Variants in TRPM6 observed in about 807,000 individuals in gnomAD.
TRPM6 encodes channel kinase 2.
In TRPM6, 111 loss-of-function variants were observed where a neutral mutation model predicts 247.6. The observed-to-expected ratio is 0.45, with a 90% CI of 0.38 to 0.52. The LOEUF is 0.52. Among genes scored for constraint, TRPM6 ranks in the 20% least tolerant of loss-of-function variants. TRPM6 has a pLI of 0.00. For synonymous variants in TRPM6, 892 were observed against 853.8 expected, an observed-to-expected ratio of 1.04 and a Z score of -0.78; for missense variants, 2,126 against 2,421.5, an observed-to-expected ratio of 0.88 and a Z score of 2.56.
At chr9:74,810,759 AACACAAAGCTAAGGCAAT>A (rs916646806) in intron 13 of TRPM6, 38 bp downstream of exon 13, 27 of 1,524,372 alleles carry the variant, frequency 1.8e-5, no homozygotes, top group Non-Finnish European at 2.4e-5. Flanking sequence ...TGACTCCTCC[AACACAAAGCTAAGGCAAT>A]ACACAAAGAC....
intron 1 of TRPM6, among the ~76,000 whole-genome samples, chr9:74,882,448 AG>A (rs1453875241): frequency 6.6e-6 from 1 of 152,246 alleles, no homozygotes; most frequent in Non-Finnish European, 1.5e-5. Context: ...GAGTGGGCAA[AG>A]GACATGAATC....
intron 4 of TRPM6, among the ~76,000 whole-genome samples, chr9:74,841,129 CA>C (rs1239304636): frequency 6.6e-6 from 1 of 152,124 alleles, no homozygotes; most frequent in Non-Finnish European, 1.5e-5. Flanking sequence ...TGTTCTGAAA[CA>C]AATACTTTTC....
rs200618382 is a variant in TRPM6 at position 74,771,838 on chromosome 9, A to T, written c.3404-3T>A. The T allele has an allele frequency of 6.2e-7, 1 of 1,613,596 alleles. No homozygotes were observed. The highest frequency in any genetic ancestry group is 8.5e-7 in the Non-Finnish European group (1 of 1,179,660). ...ATCCTCCTTACTGAGGTAGAGTTCT[A>T]TAGAAATAAGTATGAAACACAGAAA... On this transcript the variant is annotated splice_polypyrimidine_tract_variant and splice_region_variant and intron_variant, in intron 24 of 38. Coordinates refer to ENST00000360774, the MANE Select transcript of TRPM6 (RefSeq NM_017662.5).
intron 2 of TRPM6, 120 bp downstream of exon 2, chr9:74,858,549 T>C: frequency 1.6e-6 from 1 of 626,776 alleles, no homozygotes; most frequent in Non-Finnish European, 2.7e-6. Flanking sequence ...AAATAAACAT[T>C]GAAAATTCTA....
intron 3 of TRPM6, among the ~76,000 whole-genome samples, chr9:74,850,633 T>C (rs569859535): frequency 3.2e-4 from 48 of 151,866 alleles, no homozygotes; most frequent in Admixed American, 6.6e-4. Context: ...GGAAGGAGAA[T>C]TGCTTGAACC....
chr9:74,800,392 C>A lies in TRPM6; in HGVS notation c.2100G>T (p.Arg700Ser). The part of the protein sequence containing the change: ...MAMTLLTYEL[R>S]NWSNSTCLKL... ...TAAGGCAGGTCGAATTGCTCCAGTTCCTGAGTTCATACGTCAACAGCGTCA... is the reference window on the plus strand; with the variant it reads ...TAAGGCAGGTCGAATTGCTCCAGTTACTGAGTTCATACGTCAACAGCGTCA... Residue 700 changes from arginine to serine, a missense_variant, in exon 17 of 39, where the codon AGG (arginine) becomes AGT (serine). Physicochemically the swap from Arg to Ser is moderately radical, Grantham distance 110. Coordinates refer to ENST00000360774, the MANE Select transcript of TRPM6 (RefSeq NM_017662.5). The A allele has an allele frequency of 1.9e-6, 3 of 1,614,024 alleles. No individual in the cohort carries two copies. Among genetic ancestry groups the A allele is most frequent in the Non-Finnish European group, 2.5e-6 (3 of 1,180,024 alleles).
chr9:74,799,539 CACACACACAT>C (rs2118995731), intron 17 of TRPM6, among the ~76,000 whole-genome samples: 1 of 124,904 alleles, frequency 8.0e-6, no homozygotes, highest in South Asian at 2.5e-4. Context: ...CAAAAAAAAA[CACACACACAT>C]ACACACACAC....
At chr9:74,817,651 T>C (rs1587539515) in intron 9 of TRPM6, among the ~76,000 whole-genome samples, 1 of 152,010 alleles carries the variant, frequency 6.6e-6, no homozygotes, top group East Asian at 1.9e-4. Flanking sequence ...GGGTCACCTA[T>C]GGGCCCTTGA....
intron 5 of TRPM6, among the ~76,000 whole-genome samples, chr9:74,834,483 C>CT (rs1366250874): frequency 7.0e-6 from 1 of 142,840 alleles, no homozygotes; most frequent in Non-Finnish European, 1.5e-5. Context: ...TATTATTATA[C>CT]TTTAAGTTCT....
At chr9:74,753,241 T>C (rs540053450) in intron 28 of TRPM6, among the ~76,000 whole-genome samples, 2 of 152,178 alleles carry the variant, frequency 1.3e-5, no homozygotes, top group East Asian at 3.9e-4. Flanking sequence ...AGTTACTACA[T>C]ATAGTAGATG....
intron 36 of TRPM6, among the ~76,000 whole-genome samples, chr9:74,734,829 A>G (rs1307683742): frequency 6.6e-6 from 1 of 152,102 alleles, no homozygotes; most frequent in Non-Finnish European, 1.5e-5. Flanking sequence ...AAAACTTTAT[A>G]CCCCTAAACC....
rs184875558 is a variant in TRPM6 at position 74,771,433 on chromosome 9, A to G, written c.3536+270T>C. Among the ~76,000 whole-genome samples, 2,994 of 151,804 alleles carry G rather than the reference A, an allele frequency of 0.02. 41 individuals carry two copies. The highest frequency in any genetic ancestry group is 0.027 in the Middle Eastern group (8 of 292). ...CCTACACACATGCGCACACACACAC[A>G]CGCGCGCGCGCATGAATGTAAGTCC... On this transcript the variant is annotated intron_variant, in intron 25 of 38. Coordinates refer to ENST00000360774, the MANE Select transcript of TRPM6 (RefSeq NM_017662.5).
At chr9:74,779,047 G>T (rs1314226456) in intron 23 of TRPM6, among the ~76,000 whole-genome samples, 1 of 152,112 alleles carries the variant, frequency 6.6e-6, no homozygotes, top group African/African-American at 2.4e-5. Flanking sequence ...GTGAGACACT[G>T]GACATTTTTA....
chr9:74,811,103 T>C (rs762736646), intron 12 of TRPM6, among the ~76,000 whole-genome samples: 1 of 152,224 alleles, frequency 6.6e-6, no homozygotes, highest in Non-Finnish European at 1.5e-5. Context: ...AGACTTTATG[T>C]GATAAGAGAT....
In TRPM6 at chr9:74,858,834, A is replaced by C. The variant is rs1830608779; in HGVS notation, c.34-86T>G. Reference sequence around the variant, plus strand: ...TAGTTCCTGCAGGTAAGAAATACTCAAGTATCATGAATGCTAATTAAAATG... The same window carrying C: ...TAGTTCCTGCAGGTAAGAAATACTCCAGTATCATGAATGCTAATTAAAATG... On this transcript the variant is annotated intron_variant, in intron 1 of 38. Coordinates refer to ENST00000360774, the MANE Select transcript of TRPM6 (RefSeq NM_017662.5). 4 of 1,050,388 alleles carry C rather than the reference A, an allele frequency of 3.8e-6. No homozygotes were observed. In the East Asian group the frequency reaches 1.0e-4, roughly 27 times the overall value. 65.1% of individuals were successfully genotyped at this position (1,050,388 alleles called of 1,614,324 possible).
intron 3 of TRPM6, among the ~76,000 whole-genome samples, chr9:74,842,658 T>C (rs1016094422): frequency 4.6e-5 from 7 of 152,228 alleles, no homozygotes; most frequent in African/African-American, 1.7e-4. Flanking sequence ...GTCACACAAA[T>C]AGTTTGGTTT....
At position 74,812,385 on chromosome 9, in the gene TRPM6, C is replaced by T. The variant is rs924189415; in HGVS notation, c.1357G>A (p.Val453Met). ...AMSDALVMDRVDFVKLLIEYG... is the reference protein window; with the variant it reads ...AMSDALVMDRMDFVKLLIEYG... ...TCTATTAAGAGCTTCACAAAATCCA[C>T]CCGATCCATCACTAAAGCATCTGAC... The change falls in exon 12 of 39, where the codon GTG becomes ATG. Residue 453 changes from valine (V) to methionine (M), a missense_variant. Val to Met is a conservative substitution (Grantham distance 21). Around this residue, in one of 3 missense-constraint regions of TRPM6, gnomAD observed 1,082 missense variants for 1,307.9 expected, o/e 0.83. Transcript: ENST00000360774. The T allele has an allele frequency of 6.2e-7, 1 of 1,613,998 alleles. No homozygotes were observed. The highest frequency in any genetic ancestry group is 8.5e-7 in the Non-Finnish European group (1 of 1,179,954).
Position 74,796,782 on chromosome 9 carries a change from T to C in TRPM6, c.2350A>G (p.Ser784Gly). ...SQDFQFMWYY[S>G]DQNASSSKES... Reference sequence around the variant, plus strand: ...TTGGAACTGCTGGCGTTCTGGTCACTGTAATACCACATAAATTGGAAGTCC... The same window carrying C: ...TTGGAACTGCTGGCGTTCTGGTCACCGTAATACCACATAAATTGGAAGTCC... The change falls in exon 18 of 39, where the codon AGT becomes GGT. Residue 784 changes from serine (S) to glycine (G), a missense_variant. By Grantham distance (56) the Ser-to-Gly change is moderately conservative (BLOSUM62 0). Coordinates refer to ENST00000360774, the MANE Select transcript of TRPM6 (RefSeq NM_017662.5). 1.2e-6 allele frequency: 2 copies of C among 1,614,096 alleles called. No individual in the cohort carries two copies. Among genetic ancestry groups the C allele is most frequent in the East Asian group, 2.2e-5 (1 of 44,874 alleles).
chr9:74,837,453 CT>C (rs569656557), intron 5 of TRPM6, among the ~76,000 whole-genome samples: 146 of 145,456 alleles, frequency 1.0e-3, no homozygotes, highest in Admixed American at 1.2e-3. Flanking sequence ...TTGTTGTTTT[CT>C]TTTTTTTTTT....
Sources: allele counts gnomAD v4.1 joint callset (sites outside exome capture counted in the v4.1 genomes callset), GRCh38; gene constraint gnomAD v4.1.1; regional missense constraint gnomAD v4.1.1; transcripts MANE v1.5; gene names NCBI Gene and HGNC (gene_info 2026-07-23, HGNC 2026-07-21).